Variants in KCNAB1 observed in about 807,000 individuals in gnomAD.
The protein encoded by KCNAB1 is potassium voltage-gated channel subfamily A regulatory beta subunit 1.
In KCNAB1, 35 loss-of-function variants were observed where a neutral mutation model predicts 64.6. The ratio of observed to expected loss-of-function variants is 0.54; its 90% CI spans 0.41 to 0.72. The LOEUF (loss-of-function observed/expected upper bound fraction) is 0.72, where lower values mean the gene tolerates loss of function less well. Ranked by LOEUF, KCNAB1 falls within the 30% of genes least tolerant of loss-of-function variation. The pLI, the probability that KCNAB1 is intolerant of heterozygous loss-of-function variation, is 0.00. For synonymous variants in KCNAB1, 177 were observed against 183.8 expected (o/e 0.96, Z 0.30); for missense variants, 401 against 512.9 (o/e 0.78, Z 2.11).
intron 1 of KCNAB1, among the ~76,000 whole-genome samples, chr3:156,161,362 T>G (rs1361804771): frequency 6.6e-6 from 1 of 152,230 alleles, no homozygotes; most frequent in Non-Finnish European, 1.5e-5. Context: ...ATGTTTATTT[T>G]TCTTGTTTCA....
intron 1 of KCNAB1, among the ~76,000 whole-genome samples, chr3:156,354,120 G>GTGTGTATATA (rs372765461): frequency 7.5e-6 from 1 of 132,562 alleles, no homozygotes; most frequent in Non-Finnish European, 1.6e-5. Flanking sequence ...ATGTGTGTGT[G>GTGTGTATATA]TATATATATA....
chr3:156,396,107 C>G (rs944057524), intron 1 of KCNAB1, among the ~76,000 whole-genome samples: 4 of 152,170 alleles, frequency 2.6e-5, no homozygotes, highest in African/African-American at 9.7e-5. Flanking sequence ...CTTGTTTTAG[C>G]TGACTCTGAA....
chr3:156,337,345 C>G (rs1431236344), intron 1 of KCNAB1, among the ~76,000 whole-genome samples: 2 of 152,160 alleles, frequency 1.3e-5, no homozygotes, highest in Non-Finnish European at 2.9e-5. Flanking sequence ...AATCAGAGAG[C>G]TAAATAATAA....
At chr3:156,223,485 A>G (rs1374935899) in intron 1 of KCNAB1, among the ~76,000 whole-genome samples, 4 of 151,918 alleles carry the variant, frequency 2.6e-5, no homozygotes, top group African/African-American at 9.7e-5. Flanking sequence ...TAGACACAAA[A>G]GTGCTCCAAG....
intron 7 of KCNAB1, among the ~76,000 whole-genome samples, chr3:156,472,309 C>T (rs564549000): frequency 3.9e-5 from 6 of 152,218 alleles, no homozygotes; most frequent in Admixed American, 6.5e-5. Context: ...GGATGAGCTG[C>T]GGTGGCTGTG....
chr3:156,156,190 C>A (rs1715702142), intron 1 of KCNAB1, among the ~76,000 whole-genome samples: 1 of 152,094 alleles, frequency 6.6e-6, no homozygotes, highest in African/African-American at 2.4e-5. Flanking sequence ...GTAGGGCATT[C>A]CAAGGGCTTA....
chr3:156,506,937 A>G (rs1470390537), intron 8 of KCNAB1, among the ~76,000 whole-genome samples: 2 of 152,216 alleles, frequency 1.3e-5, no homozygotes, highest in Non-Finnish European at 2.9e-5. Flanking sequence ...CTCATCATGA[A>G]CTATAGCCAT....
At chr3:156,436,351 AT>A (rs2108252270) in intron 2 of KCNAB1, among the ~76,000 whole-genome samples, 1 of 152,290 alleles carries the variant, frequency 6.6e-6, no homozygotes, top group East Asian at 1.9e-4. Flanking sequence ...TGTCTTTGCT[AT>A]TGTGAATAGT....
At chr3:156,249,387 C>A (rs1026828997) in intron 1 of KCNAB1, among the ~76,000 whole-genome samples, 2 of 151,880 alleles carry the variant, frequency 1.3e-5, no homozygotes, top group Non-Finnish European at 2.9e-5. Context: ...GCCTGGCCAA[C>A]CTGGCGTAAC....
chr3:156,482,017 G>A (rs1299330564), intron 8 of KCNAB1, among the ~76,000 whole-genome samples: 1 of 152,104 alleles, frequency 6.6e-6, no homozygotes, highest in Non-Finnish European at 1.5e-5. Flanking sequence ...ATTATAATAT[G>A]ATGAAAATCT....
At chr3:156,427,445 TGA>T (rs1715894989) in intron 2 of KCNAB1, among the ~76,000 whole-genome samples, 1 of 152,218 alleles carries the variant, frequency 6.6e-6, no homozygotes, top group Non-Finnish European at 1.5e-5. Flanking sequence ...GTATGCTCCC[TGA>T]GAGCAGGGAC....
At chr3:156,510,759 T>G (rs1405886407) in intron 8 of KCNAB1, among the ~76,000 whole-genome samples, 2 of 152,200 alleles carry the variant, frequency 1.3e-5, no homozygotes, top group Non-Finnish European at 2.9e-5. Flanking sequence ...GGGGCTGTTC[T>G]GACACAAATG....
At chr3:156,347,352 G>A (rs1252192705) in intron 1 of KCNAB1, among the ~76,000 whole-genome samples, 1 of 152,194 alleles carries the variant, frequency 6.6e-6, no homozygotes, top group Non-Finnish European at 1.5e-5. Flanking sequence ...GCCCTAACAG[G>A]TGAGTTGAGG....
chr3:156,445,319 A>G (rs2108267394), intron 2 of KCNAB1, among the ~76,000 whole-genome samples: 1 of 152,188 alleles, frequency 6.6e-6, no homozygotes. Flanking sequence ...AAAACAAAGC[A>G]CAAAGGAAAA....
intron 1 of KCNAB1, among the ~76,000 whole-genome samples, chr3:156,265,936 G>A (rs1190937951): frequency 6.6e-6 from 1 of 152,178 alleles, no homozygotes; most frequent in Non-Finnish European, 1.5e-5. Flanking sequence ...AGGTTGCAGT[G>A]AGTCGAGATT....
At chr3:156,161,143 C>G (rs1428873041) in intron 1 of KCNAB1, among the ~76,000 whole-genome samples, 1 of 152,096 alleles carries the variant, frequency 6.6e-6, no homozygotes, top group Middle Eastern at 3.2e-3. Context: ...CTGAGAGTAA[C>G]CTCAAATCCT....
In KCNAB1 at chr3:156,515,236, A is replaced by G. The variant is rs768607895; in HGVS notation, c.865+16A>G. ...CACAAAATAGGTAATCTTCAAAATA[A>G]AAGCTACTGAGTATTTTTAACAAGA... is the stretch of plus-strand genomic sequence containing the variant. On this transcript the variant is annotated intron_variant, in intron 10 of 13. Coordinates refer to ENST00000490337, the MANE Select transcript of KCNAB1 (RefSeq NM_172160.3). 1 of 1,596,280 alleles carries G rather than the reference A, an allele frequency of 6.3e-7. No individual in the cohort carries two copies. Among genetic ancestry groups the G allele is most frequent in the South Asian group, 1.1e-5 (1 of 87,366 alleles).
chr3:156,365,112 C>T (rs940926789), intron 1 of KCNAB1, among the ~76,000 whole-genome samples: 9 of 152,096 alleles, frequency 5.9e-5, no homozygotes, highest in Non-Finnish European at 1.3e-4. Context: ...GTTTTTTGTG[C>T]CAGAGACAGA....
intron 1 of KCNAB1, among the ~76,000 whole-genome samples, chr3:156,226,140 G>A (rs548334921): frequency 1.3e-5 from 2 of 152,192 alleles, no homozygotes; most frequent in East Asian, 1.9e-4. Flanking sequence ...CAAAACTAGA[G>A]GCATCACATT....
Sources: allele counts gnomAD v4.1 joint callset (sites outside exome capture counted in the v4.1 genomes callset), GRCh38; gene constraint gnomAD v4.1.1; transcripts MANE v1.5; gene names NCBI Gene and HGNC (gene_info 2026-07-23, HGNC 2026-07-21).